GLB1L3: variants seen among roughly 807,000 people sequenced by gnomAD.
GLB1L3 encodes the protein beta-galactosidase-1-like protein 3.
GLB1L3 carries 89 observed loss-of-function variants against 89.5 expected under a neutral mutation model. The ratio of observed to expected loss-of-function variants is 0.99; its 90% CI spans 0.84 to 1.19. The LOEUF (loss-of-function observed/expected upper bound fraction) is 1.19, where lower values mean the gene tolerates loss of function less well. Among genes scored for constraint, GLB1L3 ranks in the 50% most tolerant of loss-of-function variants. The pLI is 0.00. For missense variants in GLB1L3, 812 were observed against 813.3 expected (o/e 1.00, Z 0.02); for synonymous variants, 314 against 312.3 (o/e 1.01, Z -0.06).
intron 1 of GLB1L3, 30 bp downstream of exon 1, chr11:134,276,793 GC>G: frequency 7.1e-7 from 1 of 1,403,064 alleles, no homozygotes; most frequent in Non-Finnish European, 9.3e-7. Flanking sequence ...GTCCCGGGCT[GC>G]CCACCACCCC....
chr11:134,312,429 G>A lies in GLB1L3; in HGVS notation c.1368G>A (p.Leu456=), dbSNP rs781308992. The change falls in exon 14 of 20, where the codon CTG becomes CTA. Residue 456 remains leucine (L), a synonymous_variant. Coordinates refer to ENST00000431683, the MANE Select transcript of GLB1L3 (RefSeq NM_001080407.3). ...GCGGCCAGTCCTACGGGCTTGTCCTGTATGAGAAGTCCATCTGCTCCGGAG... is the reference window on the plus strand; with the variant it reads ...GCGGCCAGTCCTACGGGCTTGTCCTATATGAGAAGTCCATCTGCTCCGGAG... ...NGSGQSYGLV[L]YEKSICSGGR... is the part of the protein sequence containing the mutation. 1 of 1,613,690 alleles carries A rather than the reference G, an allele frequency of 6.2e-7. No individual in the cohort carries two copies. The highest frequency in any genetic ancestry group is 8.5e-7 in the Non-Finnish European group (1 of 1,179,878).
At chr11:134,282,528 T>G (rs978326824) in intron 5 of GLB1L3, among the ~76,000 whole-genome samples, 1 of 152,220 alleles carries the variant, frequency 6.6e-6, no homozygotes, top group African/African-American at 2.4e-5. Flanking sequence ...GGGAAGGTTC[T>G]GACGACTCGG....
intron 9 of GLB1L3, among the ~76,000 whole-genome samples, chr11:134,302,436 C>T (rs905729150): frequency 5.3e-5 from 8 of 152,054 alleles, no homozygotes; most frequent in Non-Finnish European, 8.8e-5. Flanking sequence ...TAGTTGATAA[C>T]AACATTCACA....
chr11:134,308,214 C>A (rs1294304553), intron 10 of GLB1L3, among the ~76,000 whole-genome samples: 1 of 28,534 alleles, frequency 3.5e-5, no homozygotes, highest in African/African-American at 1.5e-4. Flanking sequence ...ACCACCACCA[C>A]CATCACCATC....
downstream of GLB1L3, among the ~76,000 whole-genome samples, chr11:134,323,767 T>C (rs1246546041): frequency 6.6e-6 from 1 of 152,222 alleles, no homozygotes; most frequent in African/African-American, 2.4e-5. Context: ...TGTTATTCTC[T>C]GCAAAGTGTA....
chr11:134,302,879 GA>G (rs1283790872), intron 9 of GLB1L3, among the ~76,000 whole-genome samples: 2 of 152,182 alleles, frequency 1.3e-5, no homozygotes, highest in East Asian at 3.9e-4. Flanking sequence ...ATTTCCAATT[GA>G]TTTTTTTGGC....
intron 10 of GLB1L3, among the ~76,000 whole-genome samples, 186 bp from the exon 11 acceptor site, chr11:134,309,439 GA>G (rs1190588848): frequency 6.7e-6 from 1 of 150,366 alleles, no homozygotes; most frequent in Non-Finnish European, 1.5e-5. Flanking sequence ...AAAATTGAGA[GA>G]AAAATTGTTT....
At chr11:134,295,913 G>A (rs1303927737) in intron 9 of GLB1L3, among the ~76,000 whole-genome samples, 1 of 151,982 alleles carries the variant, frequency 6.6e-6, no homozygotes, top group Admixed American at 6.6e-5. Context: ...GAATCTTAGG[G>A]GATTTTCCAG....
chr11:134,296,988 A>G (rs1219879244), intron 9 of GLB1L3, among the ~76,000 whole-genome samples: 1 of 152,166 alleles, frequency 6.6e-6, no homozygotes, highest in Admixed American at 6.5e-5. Context: ...CTGCCTACTC[A>G]TTCCATCAAT....
At chr11:134,301,617 A>C (rs1306250087) in intron 9 of GLB1L3, among the ~76,000 whole-genome samples, 1 of 151,926 alleles carries the variant, frequency 6.6e-6, no homozygotes, top group East Asian at 1.9e-4. Flanking sequence ...CACTGCTTCT[A>C]CCCTTAGGTT....
At position 134,277,745 on chromosome 11, in the gene GLB1L3, T is replaced by C; in HGVS notation, c.195T>C (p.Ser65=). ...HLTPLELKNR[S]VGLGTESTGR... is the part of the protein sequence containing the mutation. ...CCCCTCTGGAGCTGAAGAATCGATCTGTGGGACTTGGAACTGAAAGCACAG... is the reference window on the plus strand; with the variant it reads ...CCCCTCTGGAGCTGAAGAATCGATCCGTGGGACTTGGAACTGAAAGCACAG... The change falls in exon 3 of 20, where the codon TCT becomes TCC. Residue 65 remains serine (S), a synonymous_variant. Transcript: ENST00000431683. 6.2e-7 allele frequency: 1 copy of C among 1,613,450 alleles called. No homozygotes were observed. The highest frequency in any genetic ancestry group is 8.5e-7 in the Non-Finnish European group (1 of 1,179,720).
At chr11:134,308,556 TCACCACCAC>T (rs199930926) in intron 10 of GLB1L3, among the ~76,000 whole-genome samples, 6 of 57,516 alleles carry the variant, frequency 1.0e-4, no homozygotes, top group Non-Finnish European at 1.9e-4. Flanking sequence ...ACCATCACCA[TCACCACCAC>T]CACCACCATC....
downstream of GLB1L3, among the ~76,000 whole-genome samples, chr11:134,321,189 C>T (rs146463256): frequency 1.2e-3 from 175 of 152,152 alleles, 2 homozygotes; most frequent in African/African-American, 3.8e-3. Context: ...CTGTGTAAAG[C>T]GAGAGGGATG....
rs114577957 is a variant in GLB1L3 at position 134,315,764 on chromosome 11, A to C, written c.1779+1323A>C. ...TTTGGCTATGACTCTTACTGTGTTA[A>C]GTATTTATTTTCTGATTCTGTCATT... On this transcript the variant is annotated intron_variant, in intron 18 of 19. Transcript: ENST00000431683. Among the ~76,000 whole-genome samples, 1,026 of 152,208 alleles carry C rather than the reference A, an allele frequency of 6.7e-3. 17 individuals are homozygous for C. Among genetic ancestry groups the C allele is most frequent in the African/African-American group, 0.023 (963 of 41,524 alleles).
downstream of GLB1L3, among the ~76,000 whole-genome samples, chr11:134,319,943 G>A (rs1265706562): frequency 6.6e-6 from 1 of 152,076 alleles, no homozygotes; most frequent in East Asian, 1.9e-4. Flanking sequence ...GGTTCTCTGT[G>A]TCTTCTTACT....
chr11:134,320,142 T>A (rs1021458293), downstream of GLB1L3, among the ~76,000 whole-genome samples: 1 of 152,126 alleles, frequency 6.6e-6, no homozygotes, highest in African/African-American at 2.4e-5. Flanking sequence ...TTCAAACCAA[T>A]GCACTATAAG....
rs140703888 is a variant in GLB1L3, at chr11:134,313,679, G to A, written c.1579+205G>A. 5.5e-3 allele frequency among the ~76,000 whole-genome samples: 844 copies of A among 152,312 alleles called. 10 individuals are homozygous for A. Among genetic ancestry groups the A allele is most frequent in the Non-Finnish European group, 8.9e-3 (603 of 68,024 alleles). On this transcript the variant is annotated intron_variant, in intron 16 of 19. Coordinates refer to ENST00000431683, the MANE Select transcript of GLB1L3 (RefSeq NM_001080407.3). Reference sequence around the variant, plus strand: ...GCCAGAGGGTGGGGCCAGTGTGTTCGGTGCTGGCTTGTCCTCAAGCAGGGC... The same window carrying A: ...GCCAGAGGGTGGGGCCAGTGTGTTCAGTGCTGGCTTGTCCTCAAGCAGGGC...
At chr11:134,283,950 G>C (rs758312624) in intron 6 of GLB1L3, 105 bp downstream of exon 6, 24 of 696,392 alleles carry the variant, frequency 3.4e-5, no homozygotes, top group Non-Finnish European at 5.7e-5. Context: ...ATGAACAATT[G>C]AGTTGACTTT....
intron 9 of GLB1L3, among the ~76,000 whole-genome samples, chr11:134,306,306 A>G (rs974517969): frequency 5.9e-5 from 9 of 152,352 alleles, no homozygotes; most frequent in Admixed American, 1.3e-4. Flanking sequence ...TTTATACCCA[A>G]TTAATAATTT....
Sources: allele counts gnomAD v4.1 joint callset (sites outside exome capture counted in the v4.1 genomes callset), GRCh38; gene constraint gnomAD v4.1.1; transcripts MANE v1.5; gene names NCBI Gene and HGNC (gene_info 2026-07-23, HGNC 2026-07-21).